Variants in PLEKHG1 observed in about 807,000 individuals in gnomAD.
PLEKHG1 encodes the protein pleckstrin homology domain-containing family G member 1.
Under a neutral mutation model 100.8 loss-of-function variants are expected in PLEKHG1, and 44 were observed. The ratio of observed to expected loss-of-function variants is 0.44; its 90% CI spans 0.34 to 0.56. The LOEUF is 0.56. PLEKHG1 is among the 20% of genes least tolerant of loss of function. PLEKHG1 has a pLI of 0.01. For missense variants in PLEKHG1, 1,545 were observed against 1,720.9 expected (o/e 0.90, Z 1.81); for synonymous variants, 640 against 662.5 (o/e 0.97, Z 0.52).
chr6:150,680,039 A>T (rs1779882148), intron 3 of PLEKHG1, among the ~76,000 whole-genome samples: 1 of 152,204 alleles, frequency 6.6e-6, no homozygotes, highest in Non-Finnish European at 1.5e-5. Context: ...AGGCCAGGTT[A>T]CATACAGGTT....
intron 1 of PLEKHG1, among the ~76,000 whole-genome samples, chr6:150,732,144 T>C (rs1782299296): frequency 1.3e-5 from 2 of 152,080 alleles, no homozygotes; most frequent in African/African-American, 4.8e-5. Context: ...TTGTATTTTT[T>C]TTAGTAGAGA....
chr6:150,611,549 C>T (rs1428318396), intron 1 of PLEKHG1, among the ~76,000 whole-genome samples: 3 of 152,114 alleles, frequency 2.0e-5, no homozygotes, highest in Admixed American at 6.5e-5. Flanking sequence ...AGGTGGCTCA[C>T]GCCTGTAATC....
chr6:150,731,779 A>G (rs184888897), intron 1 of PLEKHG1, among the ~76,000 whole-genome samples: 2 of 152,282 alleles, frequency 1.3e-5, no homozygotes, highest in Admixed American at 6.5e-5. Context: ...TATAAACACA[A>G]TTTCTCTATG....
intron 3 of PLEKHG1, among the ~76,000 whole-genome samples, chr6:150,672,724 C>A (rs1779621281): frequency 6.6e-6 from 1 of 152,136 alleles, no homozygotes; most frequent in South Asian, 2.1e-4. Context: ...TGAGAGTCCT[C>A]ATTTTTCAAG....
intron 2 of PLEKHG1, among the ~76,000 whole-genome samples, chr6:150,649,574 T>G (rs556325648): frequency 6.6e-6 from 1 of 152,364 alleles, no homozygotes; most frequent in East Asian, 1.9e-4. Context: ...TGCGGTTCTT[T>G]CTTTTTAAAA....
chr6:150,800,604 C>A, intron 5 of PLEKHG1, 115 bp from the exon 7 acceptor site: 1 of 945,272 alleles, frequency 1.1e-6, no homozygotes, highest in Non-Finnish European at 1.6e-6. Flanking sequence ...GATCTGACCA[C>A]AGCTCTGGAG....
In PLEKHG1 at chr6:150,831,198, C is replaced by T. The variant is rs1211716157; in HGVS notation, c.2087C>T (p.Thr696Ile). 2 of 1,614,138 alleles carry T rather than the reference C, an allele frequency of 1.2e-6. No homozygotes were observed. The highest frequency in any genetic ancestry group is 1.7e-5 in the Admixed American group (1 of 60,010). Residue 696 changes from threonine (T) to isoleucine (I), a missense_variant, in exon 15 of 16, where the codon ACC becomes ATC. By Grantham distance (89) the Thr-to-Ile change is moderately conservative (BLOSUM62 -1). Coordinates refer to ENST00000358517, the Ensembl canonical transcript of PLEKHG1. The surrounding 1 kb of genome is among the most constrained non-coding windows in gnomAD (Gnocchi z 4.1). Reference sequence around the variant, plus strand: ...AGGGACTCCGTTCGCCCCAAGAGCACCCCAGAGTTAGCCTTCACAAAGAGG... The same window carrying T: ...AGGGACTCCGTTCGCCCCAAGAGCATCCCAGAGTTAGCCTTCACAAAGAGG...
At chr6:150,644,332 G>GGTTTTTTTTTTTTTTTTTTTTT (rs1562404967) in intron 2 of PLEKHG1, among the ~76,000 whole-genome samples, 1 of 96,564 alleles carries the variant, frequency 1.0e-5, no homozygotes, top group African/African-American at 4.4e-5. Context: ...TTTTCTTTTC[G>GGTTTTTTTTTTTTTTTTTTTTT]TGTTTTTTTT....
intron 3 of PLEKHG1, among the ~76,000 whole-genome samples, chr6:150,709,292 G>A (rs541762601): frequency 5.9e-5 from 9 of 152,112 alleles, no homozygotes; most frequent in African/African-American, 1.7e-4. Context: ...CCGAGATTGC[G>A]CCACTGCACT....
intron 7 of PLEKHG1, among the ~76,000 whole-genome samples, chr6:150,805,989 A>C (rs1036251713): frequency 3.9e-5 from 6 of 152,186 alleles, no homozygotes; most frequent in Admixed American, 3.9e-4. Flanking sequence ...AAGAGGCTGC[A>C]TGGGCCCAGA....
intron 5 of PLEKHG1, among the ~76,000 whole-genome samples, chr6:150,798,992 C>T (rs1052154098): frequency 2.0e-5 from 3 of 151,932 alleles, no homozygotes; most frequent in Admixed American, 6.6e-5. Flanking sequence ...CCACCCGCCT[C>T]GGCCTTCCAA....
intron 3 of PLEKHG1, among the ~76,000 whole-genome samples, chr6:150,712,202 G>T (rs1339203057): frequency 1.3e-5 from 2 of 152,138 alleles, no homozygotes; most frequent in African/African-American, 2.4e-5. Flanking sequence ...GAACCATGGA[G>T]GAGCTGCCCC....
intron 3 of PLEKHG1, among the ~76,000 whole-genome samples, chr6:150,672,894 T>C (rs1779626162): frequency 1.3e-5 from 2 of 152,340 alleles, no homozygotes; most frequent in South Asian, 4.1e-4. Flanking sequence ...AATTCAGCAT[T>C]TTCTACTGCA....
At chr6:150,649,365 T>C (rs1161689708) in intron 2 of PLEKHG1, among the ~76,000 whole-genome samples, 1 of 152,242 alleles carries the variant, frequency 6.6e-6, no homozygotes, top group Non-Finnish European at 1.5e-5. Flanking sequence ...ATAATAATAA[T>C]TAGCACATTC....
intron 1 of PLEKHG1, among the ~76,000 whole-genome samples, chr6:150,728,381 C>T (rs1311030941): frequency 1.3e-5 from 2 of 151,958 alleles, no homozygotes; most frequent in African/African-American, 2.4e-5. Context: ...ATCACTTGAG[C>T]CCAGGAGTTC....
intron 2 of PLEKHG1, among the ~76,000 whole-genome samples, chr6:150,741,379 A>G (rs1782847365): frequency 6.6e-6 from 1 of 152,200 alleles, no homozygotes; most frequent in Non-Finnish European, 1.5e-5. Flanking sequence ...AATGTAGGCA[A>G]TGAGTGTCTT....
chr6:150,837,641 G>A (rs1438176201), intron 15 of PLEKHG1, among the ~76,000 whole-genome samples: 1 of 152,376 alleles, frequency 6.6e-6, no homozygotes, highest in Middle Eastern at 3.4e-3. Flanking sequence ...GGGCTATACT[G>A]TATGTGAGAA....
At chr6:150,781,837 T>A (rs972995404) in intron 3 of PLEKHG1, among the ~76,000 whole-genome samples, 2 of 151,376 alleles carry the variant, frequency 1.3e-5, no homozygotes, top group African/African-American at 4.8e-5. Context: ...AGTGGCCCGA[T>A]CTCGGCTCAC....
intron 3 of PLEKHG1, among the ~76,000 whole-genome samples, chr6:150,785,956 G>A (rs537203442): frequency 2.0e-5 from 3 of 152,156 alleles, no homozygotes; most frequent in Non-Finnish European, 2.9e-5. Flanking sequence ...CTGTGGAAAA[G>A]TTGTCTTCCA....
Sources: gnomAD v4.1 joint callset for allele counts (sites outside exome capture counted in the v4.1 genomes callset) on GRCh38, gnomAD v4.1.1 for gene constraint, Gnocchi (gnomAD v3.1) non-coding constraint, MANE v1.5 for transcripts, NCBI Gene and HGNC (gene_info 2026-07-23, HGNC 2026-07-21) for gene names.